The following NTRK2 variants were observed in gnomAD, a reference collection of about 807,000 sequenced individuals.
NTRK2 encodes BDNF/NT-3 growth factors receptor.
A neutral mutation model predicts 94.5 loss-of-function variants in NTRK2; 13 were observed. The ratio of observed to expected loss-of-function variants is 0.14; its 90% confidence interval spans 0.09 to 0.22. The LOEUF (loss-of-function observed/expected upper bound fraction) is 0.22, where lower values mean the gene tolerates loss of function less well. Ranked by LOEUF, NTRK2 falls within the 10% of genes least tolerant of loss-of-function variation. The pLI is 1.00. For missense variants in NTRK2, 639 were observed against 1,071.2 expected (o/e 0.60, Z 5.63); for synonymous variants, 372 against 407.4 (o/e 0.91, Z 1.05).
Position 85,024,326 on chromosome 9 carries a change from A to G in NTRK2, c.*2889A>G, listed in dbSNP as rs992232979. ...CGTTCTAAAATGTAATGATCACCAA[A>G]TACGGCCTTCCATCAAATTTGTGAA... is the stretch of plus-strand genomic sequence containing the variant. On this transcript the variant is annotated 3_prime_UTR_variant, in exon 19 of 19. Coordinates refer to ENST00000277120, the MANE Select transcript of NTRK2 (RefSeq NM_006180.6). 15 of 233,142 alleles carry G rather than the reference A, an allele frequency of 6.4e-5. No individual in the cohort carries two copies. The highest frequency in any genetic ancestry group is 1.1e-4 in the Admixed American group (2 of 17,802). The allele number at this position is 233,142 out of a possible 1,614,324, so 14.4% of individuals were successfully genotyped here.
intron 6 of NTRK2, among the ~76,000 whole-genome samples, chr9:84,713,870 A>G (rs1158307277): frequency 2.0e-5 from 3 of 148,076 alleles, no homozygotes; most frequent in Admixed American, 6.7e-5. Flanking sequence ...TTTCACCACA[A>G]CGTAACTAGA....
Position 84,751,572 on chromosome 9 carries a change from C to T in NTRK2, c.1297-414C>T, listed in dbSNP as rs183057566. 6.6e-5 allele frequency among the ~76,000 whole-genome samples: 10 copies of T among 151,824 alleles called. 1 individual carries two copies. The highest frequency in any genetic ancestry group is 2.4e-4 in the African/African-American group (10 of 41,172). The stretch of plus-strand genomic sequence containing the variant: ...CTTTAGCCTGAGCAACAAAGTGAGA[C>T]TCCGTCACACACACACACACACACA... On this transcript the variant is annotated intron_variant, in intron 11 of 18. Coordinates refer to ENST00000277120, the MANE Select transcript of NTRK2 (RefSeq NM_006180.6).
intron 12 of NTRK2, among the ~76,000 whole-genome samples, chr9:84,797,476 T>C (rs2069474559): frequency 7.2e-6 from 1 of 139,262 alleles, no homozygotes; most frequent in African/African-American, 2.7e-5. Flanking sequence ...CATGTGGAAA[T>C]TACTTTAATG....
intron 12 of NTRK2, chr9:84,813,420 C>T (rs2072030604): frequency 1.9e-6 from 2 of 1,063,596 alleles, no homozygotes; most frequent in South Asian, 4.6e-5. Context: ...CTGTGGGCTG[C>T]CAGTTTATTA....
intron 17 of NTRK2, among the ~76,000 whole-genome samples, chr9:85,007,951 G>A (rs1482764185): frequency 1.3e-5 from 2 of 152,142 alleles, no homozygotes; most frequent in Admixed American, 6.5e-5. Flanking sequence ...CCTCTGTTGG[G>A]GCATTGTGGC....
At position 84,744,993 on chromosome 9, in the gene NTRK2, G is replaced by A; in HGVS notation, c.1216G>A (p.Asp406Asn). 6.2e-7 allele frequency: 1 copy of A among 1,613,718 alleles called. No homozygotes were observed. Among genetic ancestry groups the A allele is most frequent in the Non-Finnish European group, 8.5e-7 (1 of 1,179,900 alleles). The change falls in exon 11 of 19, where the codon GAC becomes AAC. Residue 406 changes from aspartate to asparagine, a missense_variant. Around this residue, in one of 5 missense-constraint regions of NTRK2, gnomAD observed 343 missense variants for 571.5 expected, o/e 0.60. Coordinates refer to ENST00000277120, the MANE Select transcript of NTRK2 (RefSeq NM_006180.6). ...TTAAGATTATGGAACTGCAGCGAAT[G>A]ACATCGGGGACACCACGAACAGAAG... ...IYEDYGTAAN[D>N]IGDTTNRSNE...
chr9:84,832,605 C>T (rs1351681396), intron 12 of NTRK2, among the ~76,000 whole-genome samples: 2 of 152,118 alleles, frequency 1.3e-5, no homozygotes, highest in Non-Finnish European at 2.9e-5. Context: ...ATCGTTGTTG[C>T]GTGTGATAAA....
In NTRK2 at chr9:84,990,373, C is replaced by A. The variant is rs547349723; in HGVS notation, c.2173-29833C>A. On this transcript the variant is annotated intron_variant, in intron 17 of 18. Transcript: ENST00000277120. Reference sequence around the variant, plus strand: ...ACATTGTTGTGTATCTTACTTAATACGGACAAATAAGGCTTTTCTCTGCAC... The same window carrying A: ...ACATTGTTGTGTATCTTACTTAATAAGGACAAATAAGGCTTTTCTCTGCAC... 1.2e-3 allele frequency among the ~76,000 whole-genome samples: 187 copies of A among 152,300 alleles called. 1 individual carries two copies. The highest frequency in any genetic ancestry group is 1.7e-3 in the Non-Finnish European group (118 of 68,024).
rs1832908479 is a variant in NTRK2, at chr9:85,023,872, A to C, written c.*2435A>C. 4.4e-6 allele frequency: 1 copy of C among 229,636 alleles called. No homozygotes were observed. Among genetic ancestry groups the C allele is most frequent in the Admixed American group, 5.7e-5 (1 of 17,670 alleles). The allele number at this position is 229,636 out of a possible 1,614,324, so 14.2% of individuals were successfully genotyped here. On this transcript the variant is annotated 3_prime_UTR_variant, in exon 19 of 19. Transcript: ENST00000277120. ...TACAAGTTATTTATTTTATTTTAAG[A>C]GAATAAAGTAGGTAATAATTTAAGG...
chr9:84,905,838 C>T (rs937115890), intron 14 of NTRK2, among the ~76,000 whole-genome samples: 21 of 152,008 alleles, frequency 1.4e-4, no homozygotes, highest in Admixed American at 1.3e-3. Context: ...CATGGGGAAA[C>T]GATAAATGTG....
At chr9:84,994,258 T>A (rs538140122) in intron 17 of NTRK2, among the ~76,000 whole-genome samples, 12 of 152,284 alleles carry the variant, frequency 7.9e-5, no homozygotes, top group African/African-American at 2.9e-4. Context: ...GATTAATAAC[T>A]CCCCTACTGT....
chr9:84,908,231 C>T (rs1345793601), intron 14 of NTRK2, among the ~76,000 whole-genome samples: 1 of 152,212 alleles, frequency 6.6e-6, no homozygotes, highest in Non-Finnish European at 1.5e-5. Context: ...TCTCGACATA[C>T]ATCTGATGAA....
intron 17 of NTRK2, among the ~76,000 whole-genome samples, chr9:85,007,353 A>C (rs1158804893): frequency 1.3e-5 from 2 of 152,242 alleles, no homozygotes; most frequent in Non-Finnish European, 2.9e-5. Flanking sequence ...GGGACCCTGC[A>C]AGGAAAGGAC....
intron 12 of NTRK2, among the ~76,000 whole-genome samples, chr9:84,801,469 T>C (rs1203512766): frequency 6.6e-6 from 1 of 152,222 alleles, no homozygotes; most frequent in Non-Finnish European, 1.5e-5. Context: ...CATGCAGTGG[T>C]GATGAGCATT....
chr9:84,679,000 G>T (rs987140308), intron 2 of NTRK2, among the ~76,000 whole-genome samples: 1 of 152,162 alleles, frequency 6.6e-6, no homozygotes, highest in Non-Finnish European at 1.5e-5. Context: ...AAATGGGATT[G>T]GTGCCCTTAT....
chr9:84,930,532 G>C (rs1022742078), intron 14 of NTRK2, among the ~76,000 whole-genome samples: 5 of 152,204 alleles, frequency 3.3e-5, no homozygotes, highest in Non-Finnish European at 5.9e-5. Flanking sequence ...ACCAGGGGAT[G>C]AGGGATAGAG....
At chr9:84,889,488 C>G (rs887371452) in intron 14 of NTRK2, among the ~76,000 whole-genome samples, 1 of 152,208 alleles carries the variant, frequency 6.6e-6, no homozygotes, top group African/African-American at 2.4e-5. Context: ...TCTCAGCTCT[C>G]TGCAACCTCC....
At chr9:84,792,534 C>A (rs2068836385) in intron 12 of NTRK2, among the ~76,000 whole-genome samples, 1 of 152,092 alleles carries the variant, frequency 6.6e-6, no homozygotes, top group Non-Finnish European at 1.5e-5. Context: ...ACAATAACAA[C>A]AAGAATAATA....
chr9:84,739,251 A>G (rs1445896931), intron 9 of NTRK2, among the ~76,000 whole-genome samples: 3 of 151,890 alleles, frequency 2.0e-5, no homozygotes, highest in African/African-American at 7.3e-5. Context: ...AGGTTTCCCC[A>G]TGTTGCCCAG....
Sources: allele counts gnomAD v4.1 joint callset (sites outside exome capture counted in the v4.1 genomes callset), GRCh38; gene constraint gnomAD v4.1.1; regional missense constraint gnomAD v4.1.1; transcripts MANE v1.5; gene names NCBI Gene and HGNC (gene_info 2026-07-23, HGNC 2026-07-21).